The following GOLM2 variants were observed in gnomAD, a reference collection of about 807,000 sequenced individuals.
GOLM2 encodes protein GOLM2.
GOLM2 carries 26 observed loss-of-function variants against 55.9 expected under a neutral mutation model. The ratio of observed to expected loss-of-function variants is 0.47; its 90% CI spans 0.34 to 0.65. GOLM2 has a LOEUF of 0.65. GOLM2 is among the 30% of genes least tolerant of loss of function. The pLI, the probability that GOLM2 is intolerant of heterozygous loss-of-function variation, is 0.01. For missense variants in GOLM2, 486 were observed against 531.8 expected, an observed-to-expected ratio of 0.91 and a Z score of 0.85; for synonymous variants, 165 against 194.6, an observed-to-expected ratio of 0.85 and a Z score of 1.27.
At chr15:44,356,443 A>G (rs1227704420) in intron 6 of GOLM2, among the ~76,000 whole-genome samples, 1 of 152,224 alleles carries the variant, frequency 6.6e-6, no homozygotes, top group Non-Finnish European at 1.5e-5. Context: ...AAGGAATACT[A>G]TGAACAACTC....
At chr15:44,321,569 C>A (rs2078949954) in intron 1 of GOLM2, among the ~76,000 whole-genome samples, 1 of 151,542 alleles carries the variant, frequency 6.6e-6, no homozygotes. Context: ...TTATACAAAT[C>A]TGCACATATT....
chr15:44,408,250 C>T (rs186855145), intron 9 of GOLM2, among the ~76,000 whole-genome samples: 16 of 152,194 alleles, frequency 1.1e-4, no homozygotes, highest in African/African-American at 3.6e-4. Flanking sequence ...TGTTATTCTA[C>T]ATTAGATTTG....
chr15:44,291,884 TC>T (rs2078723178), intron 1 of GOLM2, among the ~76,000 whole-genome samples: 1 of 152,144 alleles, frequency 6.6e-6, no homozygotes, highest in African/African-American at 2.4e-5. Context: ...TGTTAGTGTA[TC>T]CTCCTCTTGG....
intron 9 of GOLM2, among the ~76,000 whole-genome samples, chr15:44,406,126 C>T (rs146489059): frequency 1.3e-5 from 2 of 152,158 alleles, no homozygotes; most frequent in Non-Finnish European, 2.9e-5. Flanking sequence ...GTCAGCCAGG[C>T]GCAGTGGCTC....
intron 1 of GOLM2, among the ~76,000 whole-genome samples, chr15:44,296,278 C>G (rs2078756011): frequency 6.6e-6 from 1 of 152,124 alleles, no homozygotes; most frequent in South Asian, 2.1e-4. Context: ...CCAGCTGTGG[C>G]ACGTCAAGCT....
At chr15:44,294,988 G>A (rs2078746644) in intron 1 of GOLM2, among the ~76,000 whole-genome samples, 3 of 151,884 alleles carry the variant, frequency 2.0e-5, no homozygotes, top group African/African-American at 7.3e-5. Context: ...TTTCTCCAGA[G>A]GAATCAGAAA....
chr15:44,318,453 A>C (rs2078926804), intron 1 of GOLM2, among the ~76,000 whole-genome samples: 1 of 152,234 alleles, frequency 6.6e-6, no homozygotes, highest in South Asian at 2.1e-4. Flanking sequence ...TTACGCCCAT[A>C]ATCCCAGCAC....
At chr15:44,317,072 GA>G (rs1567023900) in intron 1 of GOLM2, among the ~76,000 whole-genome samples, 1 of 152,148 alleles carries the variant, frequency 6.6e-6, no homozygotes. Context: ...ACAGTTCAGG[GA>G]AGCTGAAGCC....
At chr15:44,371,924 C>T (rs1337463261) in intron 6 of GOLM2, among the ~76,000 whole-genome samples, 1 of 152,088 alleles carries the variant, frequency 6.6e-6, no homozygotes, top group African/African-American at 2.4e-5. Context: ...GTATTAATCA[C>T]CAACTATTTG....
chr15:44,340,391 T>G (rs2079083599), intron 6 of GOLM2, among the ~76,000 whole-genome samples: 2 of 151,946 alleles, frequency 1.3e-5, no homozygotes, highest in African/African-American at 4.8e-5. Context: ...ACCTCAGCCT[T>G]CTAGGACTAC....
chr15:44,390,908 G>A (rs1041540342), intron 8 of GOLM2, among the ~76,000 whole-genome samples: 8 of 152,010 alleles, frequency 5.3e-5, no homozygotes, highest in South Asian at 2.1e-4. Flanking sequence ...TAAGAGTGGA[G>A]CCCTAATGGC....
At chr15:44,393,614 T>G (rs1008019402) in intron 8 of GOLM2, among the ~76,000 whole-genome samples, 8 of 152,286 alleles carry the variant, frequency 5.3e-5, no homozygotes, top group East Asian at 1.9e-4. Context: ...AATGCTCTTT[T>G]TTTGTTTGTT....
At chr15:44,404,114 A>C (rs1251831652) in intron 9 of GOLM2, among the ~76,000 whole-genome samples, 1 of 152,084 alleles carries the variant, frequency 6.6e-6, no homozygotes. Flanking sequence ...TTGTGGAGCT[A>C]TTTCTCTTTT....
chr15:44,319,707 C>T (rs2078936342), intron 1 of GOLM2, among the ~76,000 whole-genome samples: 1 of 152,154 alleles, frequency 6.6e-6, no homozygotes, highest in South Asian at 2.1e-4. Context: ...CCCACCTCAG[C>T]CTCTCAAGTA....
chr15:44,376,196 T>C (rs2079363852), intron 6 of GOLM2, among the ~76,000 whole-genome samples: 1 of 152,162 alleles, frequency 6.6e-6, no homozygotes. Flanking sequence ...ATCGCGCCAT[T>C]GCACTCCAGC....
intron 6 of GOLM2, among the ~76,000 whole-genome samples, chr15:44,369,309 T>C (rs955826150): frequency 6.7e-6 from 1 of 149,258 alleles, no homozygotes; most frequent in African/African-American, 2.5e-5. Context: ...TTTCACCAAA[T>C]GATTCTTCCT....
chr15:44,319,651 AG>A (rs750915506), intron 1 of GOLM2, among the ~76,000 whole-genome samples: 10 of 151,956 alleles, frequency 6.6e-5, no homozygotes, highest in African/African-American at 1.5e-4. Context: ...GCCGTGGTGC[AG>A]TCACAGCTCA....
chr15:44,361,748 G>C (rs1281854396), intron 6 of GOLM2, among the ~76,000 whole-genome samples: 2 of 152,216 alleles, frequency 1.3e-5, no homozygotes, highest in South Asian at 4.1e-4. Context: ...AACCAAAAAA[G>C]AGAATTTTAG....
chr15:44,403,097 C>T (rs2079576347), intron 9 of GOLM2, 43 bp downstream of exon 9: 1 of 1,606,260 alleles, frequency 6.2e-7, no homozygotes, highest in East Asian at 2.2e-5. Context: ...ATGAAACCCA[C>T]CTCTAAGTTT....
Sources: gnomAD v4.1 joint callset for allele counts (sites outside exome capture counted in the v4.1 genomes callset) on GRCh38, gnomAD v4.1.1 for gene constraint, MANE v1.5 for transcripts, NCBI Gene and HGNC (gene_info 2026-07-23, HGNC 2026-07-21) for gene names.